The following RBBP7 variants were observed in gnomAD, a reference collection of about 807,000 sequenced individuals.
RBBP7 encodes the protein histone-binding protein RBBP7.
RBBP7 carries 5 observed loss-of-function variants against 35.2 expected under a neutral mutation model. The ratio of observed to expected loss-of-function variants is 0.14; its 90% confidence interval spans 0.07 to 0.30. The LOEUF (loss-of-function observed/expected upper bound fraction) is 0.30. Ranked by LOEUF, RBBP7 falls within the 10% of genes least tolerant of loss-of-function variation. The pLI is 1.00. For missense variants in RBBP7, 155 were observed against 327.5 expected (o/e 0.47, Z 4.07); for synonymous variants, 140 against 118.7 (o/e 1.18, Z -1.17).
chrX:16,859,985 A>G (rs1034148742), intron 3 of RBBP7, among the ~76,000 whole-genome samples: 1 of 110,775 alleles, frequency 9.0e-6, no homozygotes, highest in African/African-American at 3.3e-5. Context: ...CAAATCCACG[A>G]TTACTCCAAA....
intron 10 of RBBP7, 43 bp downstream of exon 10, chrX:16,849,201 C>G (rs1930157603): frequency 8.8e-7 from 1 of 1,136,327 alleles, no homozygotes; most frequent in South Asian, 1.9e-5. Flanking sequence ...AATGACAATC[C>G]AATCTGCATA....
chrX:16,857,385 T>C, intron 5 of RBBP7, among the ~76,000 whole-genome samples: 1 of 111,838 alleles, frequency 8.9e-6, no homozygotes, highest in Non-Finnish European at 1.9e-5. Context: ...CTCCCTCCAT[T>C]CTAAGGCTAC....
At chrX:16,845,716 T>G (rs1343962349) in intron 11 of RBBP7, 112 bp downstream of exon 11, 3 of 1,077,027 alleles carry the variant, frequency 2.8e-6, no homozygotes, top group Admixed American at 3.9e-5. Context: ...ACGGTTTCTG[T>G]AAATGTTTGG....
intron 2 of RBBP7, among the ~76,000 whole-genome samples, chrX:16,867,268 A>G (rs1391778011): frequency 8.9e-6 from 1 of 112,113 alleles, no homozygotes; most frequent in Non-Finnish European, 1.9e-5. Context: ...CATGAAGCTA[A>G]GAAGTAGGGG....
chrX:16,864,030 T>A (rs1243862998), intron 2 of RBBP7, among the ~76,000 whole-genome samples: 2 of 110,916 alleles, frequency 1.8e-5, no homozygotes, highest in Non-Finnish European at 3.8e-5. Context: ...GATTCAATTT[T>A]TTTTTTTTTT....
intron 10 of RBBP7, chrX:16,848,278 GAAAAA>G (rs899047023): frequency 2.8e-5 from 3 of 108,936 alleles, no homozygotes; most frequent in Non-Finnish European, 5.7e-5. Context: ...AACAAAAAAA[GAAAAA>G]AAACCCCCAA....
At chrX:16,849,571 G>A (rs1001796384) in intron 9 of RBBP7, among the ~76,000 whole-genome samples, 2 of 111,307 alleles carry the variant, frequency 1.8e-5, no homozygotes, top group African/African-American at 3.3e-5. Flanking sequence ...CGATCCTCTC[G>A]CCTCAGCCTC....
At position 16,859,457 on chromosome X, in the gene RBBP7, T is replaced by C. The variant is rs372261957; in HGVS notation, c.308-608A>G. Among the ~76,000 whole-genome samples the C allele has an allele frequency of 1.7e-4, 19 of 112,300 alleles. No individual in the cohort carries two copies. The South Asian group carries it at 1.8e-3, about 11-fold the overall frequency. ...CCCATCTGGTGTGTGAATAAGACTA[T>C]AGTATTAAATAATCATGAAAAAGGC... On this transcript the variant is annotated intron_variant, in intron 3 of 11. Coordinates refer to ENST00000380087, the MANE Select transcript of RBBP7 (RefSeq NM_002893.4).
intron 2 of RBBP7, among the ~76,000 whole-genome samples, chrX:16,868,257 A>T (rs1456786446): frequency 9.0e-6 from 1 of 111,586 alleles, no homozygotes; most frequent in Non-Finnish European, 1.9e-5. Flanking sequence ...CCCATATTTA[A>T]TACACTTTAA....
intron 2 of RBBP7, among the ~76,000 whole-genome samples, chrX:16,867,806 G>A (rs957562110): frequency 5.5e-5 from 6 of 109,211 alleles, no homozygotes; most frequent in Non-Finnish European, 9.5e-5. Flanking sequence ...CCTGTAGCCT[G>A]TAGCTAGGAC....
chrX:16,852,702 A>G, intron 7 of RBBP7, 47 bp downstream of exon 7: 2 of 1,211,412 alleles, frequency 1.7e-6, no homozygotes, highest in Non-Finnish European at 2.2e-6. Flanking sequence ...TTAAGGCACA[A>G]GAGAACTGGG....
chrX:16,855,089 G>A (rs1478546242), intron 5 of RBBP7, among the ~76,000 whole-genome samples: 2 of 93,370 alleles, frequency 2.1e-5, no homozygotes, highest in Non-Finnish European at 4.1e-5. Context: ...TCACTCTCTT[G>A]CCTAGGCTGG....
chrX:16,845,309 C>T (rs1316580346), intron 11 of RBBP7, among the ~76,000 whole-genome samples: 2 of 112,355 alleles, frequency 1.8e-5, no homozygotes, highest in Admixed American at 9.5e-5. Context: ...AGCCACCCAT[C>T]GATGCACTAC....
intron 5 of RBBP7, among the ~76,000 whole-genome samples, chrX:16,855,527 T>A (rs5969730): frequency 1.8e-5 from 2 of 110,593 alleles, no homozygotes; most frequent in East Asian, 5.7e-4. Context: ...CCATTCACAC[T>A]GACTCAGAAG....
At chrX:16,864,526 C>CAA (rs61357554) in intron 2 of RBBP7, among the ~76,000 whole-genome samples, 227 of 26,107 alleles carry the variant, frequency 8.7e-3, no homozygotes, top group Non-Finnish European at 1.0e-2. Context: ...ACTCCGTCTC[C>CAA]AAAAAAAAAA....
chrX:16,863,357 C>T (rs935586630), intron 2 of RBBP7, among the ~76,000 whole-genome samples: 1 of 111,730 alleles, frequency 9.0e-6, no homozygotes, highest in Non-Finnish European at 1.9e-5. Context: ...CAATTATCAG[C>T]GTGAACACTA....
chrX:16,855,029 C>T (rs778788367), intron 5 of RBBP7, among the ~76,000 whole-genome samples: 1 of 93,739 alleles, frequency 1.1e-5, no homozygotes, highest in African/African-American at 4.0e-5. Context: ...CATGAAAGGG[C>T]TTCATCTGTT....
At chrX:16,861,914 G>A (rs918133671) in intron 3 of RBBP7, among the ~76,000 whole-genome samples, 1 of 111,548 alleles carries the variant, frequency 9.0e-6, no homozygotes, top group Non-Finnish European at 1.9e-5. Flanking sequence ...AGTTTGTCAG[G>A]GTTACTCTGC....
At chrX:16,853,572 T>A (rs929864150) in intron 6 of RBBP7, 110 bp downstream of exon 6, 2 of 775,415 alleles carry the variant, frequency 2.6e-6, no homozygotes, top group Non-Finnish European at 3.5e-6. Flanking sequence ...CTAAAGCTGT[T>A]TTTTAAAGCC....
Sources: gnomAD v4.1 joint callset for allele counts (sites outside exome capture counted in the v4.1 genomes callset) on GRCh38, gnomAD v4.1.1 for gene constraint, MANE v1.5 for transcripts, NCBI Gene and HGNC (gene_info 2026-07-23, HGNC 2026-07-21) for gene names.